The following TMEFF1 variants were observed in gnomAD, a reference collection of about 807,000 sequenced individuals.
TMEFF1 encodes transmembrane protein with EGF like and two follistatin like domains 1.
In TMEFF1, 20 loss-of-function variants were observed where a neutral mutation model predicts 47.5. The observed-to-expected ratio is 0.42, with a 90% CI of 0.30 to 0.61. TMEFF1 has a LOEUF of 0.61. Among genes scored for constraint, TMEFF1 ranks in the 20% least tolerant of loss-of-function variants. The pLI is 0.19. For synonymous variants in TMEFF1, 162 were observed against 166.3 expected, an observed-to-expected ratio of 0.97 and a Z score of 0.20; for missense variants, 411 against 471.1, an observed-to-expected ratio of 0.87 and a Z score of 1.18.
chr9:100,564,265 G>C (rs1017500580), intron 8 of TMEFF1, among the ~76,000 whole-genome samples: 2 of 152,148 alleles, frequency 1.3e-5, no homozygotes, highest in Non-Finnish European at 2.9e-5. Context: ...AGTAGAGACA[G>C]GGTTTTGCCA....
chr9:100,542,547 G>C (rs1838653069), intron 5 of TMEFF1, among the ~76,000 whole-genome samples: 1 of 152,082 alleles, frequency 6.6e-6, no homozygotes, highest in Non-Finnish European at 1.5e-5. Flanking sequence ...ATAGAATTAT[G>C]TTCTACCTTA....
chr9:100,509,863 C>T (rs1470602819), intron 3 of TMEFF1, among the ~76,000 whole-genome samples: 1 of 151,986 alleles, frequency 6.6e-6, no homozygotes, highest in Non-Finnish European at 1.5e-5. Context: ...TCTCTGCCAC[C>T]TGTTCATCCC....
rs1241097053 is a variant in TMEFF1 at position 100,567,497 on chromosome 9, CT to C, written c.900-5019del. Among the ~76,000 whole-genome samples, 3 of 152,178 alleles carry C rather than the reference CT, an allele frequency of 2.0e-5. No individual in the cohort carries two copies. The East Asian group carries it at 5.8e-4, about 29-fold the overall frequency. On this transcript the variant is annotated intron_variant, in intron 8 of 9. Transcript: ENST00000374879. ...TTCACTTACTTTGTTTATTGACACT[CT>C]TCTCCCGGTAGCTGGTAAGCAGGCC...
intron 5 of TMEFF1, among the ~76,000 whole-genome samples, chr9:100,547,096 G>T (rs1265718845): frequency 1.3e-5 from 2 of 152,106 alleles, no homozygotes; most frequent in East Asian, 3.9e-4. Context: ...GCTCACTGCG[G>T]CCTCAACCTC....
At chr9:100,550,421 A>G (rs1587851348) in intron 7 of TMEFF1, among the ~76,000 whole-genome samples, 1 of 152,206 alleles carries the variant, frequency 6.6e-6, no homozygotes, top group East Asian at 1.9e-4. Context: ...GTAAGAAGTT[A>G]TACAGAAAGA....
intron 7 of TMEFF1, among the ~76,000 whole-genome samples, chr9:100,560,696 A>G (rs1375597067): frequency 2.0e-5 from 3 of 152,116 alleles, no homozygotes; most frequent in African/African-American, 7.2e-5. Flanking sequence ...AGTTCAAATC[A>G]TTATACTTAA....
At chr9:100,491,822 CAT>C (rs1041970024) in intron 1 of TMEFF1, among the ~76,000 whole-genome samples, 4 of 151,254 alleles carry the variant, frequency 2.6e-5, no homozygotes, top group Admixed American at 2.6e-4. Context: ...TTAACATACA[CAT>C]ATTTATTAAA....
intron 9 of TMEFF1, among the ~76,000 whole-genome samples, chr9:100,573,081 A>C (rs1839279006): frequency 1.3e-5 from 2 of 151,854 alleles, no homozygotes; most frequent in African/African-American, 4.8e-5. Flanking sequence ...CCTGGGCTCA[A>C]GTGGTCCTCC....
intron 5 of TMEFF1, among the ~76,000 whole-genome samples, chr9:100,528,063 A>G (rs1459215763): frequency 1.3e-5 from 2 of 151,916 alleles, no homozygotes; most frequent in African/African-American, 4.8e-5. Flanking sequence ...ACAAACAGAA[A>G]GGACATCCAC....
intron 1 of TMEFF1, among the ~76,000 whole-genome samples, chr9:100,494,687 G>A (rs1837619420): frequency 6.6e-6 from 1 of 152,154 alleles, no homozygotes; most frequent in Non-Finnish European, 1.5e-5. Context: ...AGAAATGTAG[G>A]TTATTTAGTT....
At chr9:100,489,259 G>A (rs1444390918) in intron 1 of TMEFF1, among the ~76,000 whole-genome samples, 2 of 152,008 alleles carry the variant, frequency 1.3e-5, no homozygotes, top group African/African-American at 2.4e-5. Flanking sequence ...CCAGGCTGGA[G>A]TGTGGTGGTG....
intron 8 of TMEFF1, among the ~76,000 whole-genome samples, chr9:100,563,124 T>G (rs1839053832): frequency 6.6e-6 from 1 of 152,202 alleles, no homozygotes; most frequent in South Asian, 2.1e-4. Flanking sequence ...CCTAATTTTT[T>G]GCATTTTTGG....
At chr9:100,502,701 A>G (rs1161499315) in intron 2 of TMEFF1, among the ~76,000 whole-genome samples, 1 of 152,022 alleles carries the variant, frequency 6.6e-6, no homozygotes, top group Admixed American at 6.6e-5. Context: ...TTTCCCTGAA[A>G]CTCTAAGATT....
chr9:100,537,557 A>G (rs1033229335), intron 5 of TMEFF1, among the ~76,000 whole-genome samples: 8 of 152,344 alleles, frequency 5.3e-5, no homozygotes, highest in Admixed American at 5.2e-4. Flanking sequence ...GTCTATTGCT[A>G]CAGATGCTCT....
chr9:100,520,063 A>G (rs1445429100), intron 5 of TMEFF1, among the ~76,000 whole-genome samples: 1 of 152,232 alleles, frequency 6.6e-6, no homozygotes, highest in Non-Finnish European at 1.5e-5. Flanking sequence ...ACTAGTGATT[A>G]TGACCTACAG....
chr9:100,494,990 T>C lies in TMEFF1; in HGVS notation c.197-3775T>C, dbSNP rs180741163. Among the ~76,000 whole-genome samples the C allele has an allele frequency of 1.1e-3, 162 of 152,332 alleles. 1 individual carries two copies. The highest frequency in any genetic ancestry group is 1.9e-3 in the Non-Finnish European group (126 of 68,028). On this transcript the variant is annotated intron_variant, in intron 1 of 9. Transcript: ENST00000374879. ...AACAAATCTGAAATAATCTCAGATA[T>C]TGAAGGTTTAAGAAACATAAATGAA...
chr9:100,532,863 A>T (rs1243922462), intron 5 of TMEFF1, among the ~76,000 whole-genome samples: 1 of 152,162 alleles, frequency 6.6e-6, no homozygotes, highest in Non-Finnish European at 1.5e-5. Context: ...GATAGACTGG[A>T]TTAAGAAAAT....
At chr9:100,493,244 A>G (rs1837589086) in intron 1 of TMEFF1, among the ~76,000 whole-genome samples, 1 of 152,160 alleles carries the variant, frequency 6.6e-6, no homozygotes, top group South Asian at 2.1e-4. Flanking sequence ...TCCAAATGTC[A>G]ATAGTGCCCA....
chr9:100,503,818 G>T (rs1837809590), intron 2 of TMEFF1, among the ~76,000 whole-genome samples: 1 of 152,132 alleles, frequency 6.6e-6, no homozygotes, highest in Admixed American at 6.5e-5. Context: ...CACTGGGGAG[G>T]GCAGTCTGCT....
Sources: gnomAD v4.1 joint callset for allele counts (sites outside exome capture counted in the v4.1 genomes callset) on GRCh38, gnomAD v4.1.1 for gene constraint, MANE v1.5 for transcripts, NCBI Gene and HGNC (gene_info 2026-07-23, HGNC 2026-07-21) for gene names.